Variants in CSMD3 observed in about 807,000 individuals in gnomAD.
The protein encoded by CSMD3 is CUB and sushi domain-containing protein 3.
In CSMD3, 177 loss-of-function variants were observed where a neutral mutation model predicts 435.2. The ratio of observed to expected loss-of-function variants is 0.41; its 90% confidence interval spans 0.36 to 0.46. The LOEUF (loss-of-function observed/expected upper bound fraction) is 0.46. Ranked by LOEUF, CSMD3 falls within the 20% of genes least tolerant of loss-of-function variation. The pLI, the probability that CSMD3 is intolerant of heterozygous loss-of-function variation, is 0.34. For synonymous variants in CSMD3, 1,656 were observed against 1,520.5 expected, an observed-to-expected ratio of 1.09 and a Z score of -2.07; for missense variants, 4,265 against 4,504.6, an observed-to-expected ratio of 0.95 and a Z score of 1.52.
intron 12 of CSMD3, among the ~76,000 whole-genome samples, chr8:112,808,891 G>A (rs181230012): frequency 1.3e-5 from 2 of 151,666 alleles, no homozygotes; most frequent in East Asian, 2.0e-4. Flanking sequence ...TCTACAACTC[G>A]CTCGGTTACA....
chr8:113,373,898 G>C (rs1008306073), intron 1 of CSMD3, among the ~76,000 whole-genome samples: 15 of 151,988 alleles, frequency 9.9e-5, no homozygotes, highest in Admixed American at 3.9e-4. Context: ...CTCAATTTCA[G>C]TAAATGTATA....
chr8:112,454,239 A>G (rs1390145838), intron 32 of CSMD3, among the ~76,000 whole-genome samples: 1 of 152,182 alleles, frequency 6.6e-6, no homozygotes, highest in Non-Finnish European at 1.5e-5. Context: ...AGAAACAAAA[A>G]TTGACAAGTA....
At chr8:112,252,705 ATATAC>A (rs1815391330) in intron 63 of CSMD3, among the ~76,000 whole-genome samples, 1 of 136,114 alleles carries the variant, frequency 7.3e-6, no homozygotes, top group Non-Finnish European at 1.6e-5. Flanking sequence ...ATATATATAT[ATATAC>A]ACATTCATAC....
At position 112,859,157 on chromosome 8, in the gene CSMD3, C is replaced by T. The variant is rs972276208; in HGVS notation, c.1743G>A (p.Val581=). ...GGTGTTCTCTTACCTTATTTGTATT[C>T]ACTGCTGTGATGACCCAGACACATT... ...NAQCVWVITA[V]NTNKVIQINF... The change falls in exon 11 of 71, where the codon GTG becomes GTA. Residue 581 remains valine (V), a synonymous_variant. Transcript: ENST00000297405. 2.5e-6 allele frequency: 4 copies of T among 1,610,340 alleles called. No homozygotes were observed. Among genetic ancestry groups the T allele is most frequent in the Non-Finnish European group, 3.4e-6 (4 of 1,177,360 alleles).
chr8:112,920,918 T>TACAC (rs371590869), intron 10 of CSMD3, among the ~76,000 whole-genome samples: 43 of 122,750 alleles, frequency 3.5e-4, no homozygotes, highest in Middle Eastern at 8.1e-3. Flanking sequence ...TATATATATA[T>TACAC]ACACACACAC....
At chr8:113,050,787 A>C (rs1313779424) in intron 5 of CSMD3, among the ~76,000 whole-genome samples, 1 of 152,102 alleles carries the variant, frequency 6.6e-6, no homozygotes, top group East Asian at 1.9e-4. Flanking sequence ...AAGTCACTTT[A>C]AATATAAATA....
At chr8:112,613,637 T>C (rs1288176755) in intron 22 of CSMD3, among the ~76,000 whole-genome samples, 1 of 152,158 alleles carries the variant, frequency 6.6e-6, no homozygotes, top group African/African-American at 2.4e-5. Context: ...AGAAATACTA[T>C]GGAGTGATTG....
chr8:113,289,587 AG>A (rs1444890128), intron 2 of CSMD3, among the ~76,000 whole-genome samples: 33 of 150,318 alleles, frequency 2.2e-4, no homozygotes, highest in African/African-American at 7.8e-4. Context: ...AGAGAGAGAG[AG>A]AAATACATCT....
chr8:113,075,888 T>TGGC (rs540348099), intron 5 of CSMD3, among the ~76,000 whole-genome samples: 233 of 151,966 alleles, frequency 1.5e-3, no homozygotes, highest in African/African-American at 5.3e-3. Flanking sequence ...AATATTCTAT[T>TGGC]GGCAACATAA....
At chr8:113,219,796 C>A (rs1421413586) in intron 3 of CSMD3, among the ~76,000 whole-genome samples, 2 of 150,524 alleles carry the variant, frequency 1.3e-5, no homozygotes, top group Non-Finnish European at 3.0e-5. Flanking sequence ...ATACATTTGA[C>A]CACATAATAA....
At chr8:112,650,983 C>G (rs992645193) in intron 18 of CSMD3, among the ~76,000 whole-genome samples, 1 of 152,256 alleles carries the variant, frequency 6.6e-6, no homozygotes, top group Non-Finnish European at 1.5e-5. Context: ...GGACTGGATA[C>G]TTCTGTGTTG....
chr8:113,269,181 C>A (rs1453840979), intron 3 of CSMD3, among the ~76,000 whole-genome samples: 1 of 151,754 alleles, frequency 6.6e-6, no homozygotes, highest in South Asian at 2.1e-4. Context: ...GTGTTCCCAC[C>A]CAAATCACGG....
intron 13 of CSMD3, among the ~76,000 whole-genome samples, chr8:112,787,408 G>C (rs1195803214): frequency 6.6e-6 from 1 of 152,090 alleles, no homozygotes; most frequent in African/African-American, 2.4e-5. Flanking sequence ...ATGGAGAACA[G>C]TATGGAGGTA....
At chr8:112,903,023 G>A (rs1456372643) in intron 10 of CSMD3, among the ~76,000 whole-genome samples, 1 of 150,982 alleles carries the variant, frequency 6.6e-6, no homozygotes, top group Non-Finnish European at 1.5e-5. Flanking sequence ...TGATGAAATG[G>A]TTGAGGCATA....
In CSMD3 at chr8:113,099,124, T is replaced by A. The variant is rs182156445; in HGVS notation, c.710-161A>T. On this transcript the variant is annotated intron_variant, in intron 4 of 70. Coordinates refer to ENST00000297405, the MANE Select transcript of CSMD3 (RefSeq NM_198123.2). ...GAGATTAAATAAAATGAGAATTTTATGAAAAAATGTATCAGCACATATACA... is the reference window on the plus strand; with the variant it reads ...GAGATTAAATAAAATGAGAATTTTAAGAAAAAATGTATCAGCACATATACA... 3.7e-3 allele frequency among the ~76,000 whole-genome samples: 561 copies of A among 152,000 alleles called. 1 individual carries two copies. Among genetic ancestry groups the A allele is most frequent in the Non-Finnish European group, 6.4e-3 (432 of 67,952 alleles).
intron 4 of CSMD3, among the ~76,000 whole-genome samples, chr8:113,114,670 T>C (rs1403939555): frequency 1.3e-5 from 2 of 152,168 alleles, no homozygotes; most frequent in Non-Finnish European, 2.9e-5. Flanking sequence ...CATCCTACTG[T>C]AGACCCCATT....
intron 23 of CSMD3, among the ~76,000 whole-genome samples, chr8:112,577,833 T>C (rs1168576227): frequency 6.6e-6 from 1 of 152,124 alleles, no homozygotes. Flanking sequence ...GTGAATGATA[T>C]GATAAATATA....
chr8:113,124,682 A>T (rs1410278450), intron 4 of CSMD3, among the ~76,000 whole-genome samples: 1 of 152,006 alleles, frequency 6.6e-6, no homozygotes, highest in Non-Finnish European at 1.5e-5. Flanking sequence ...TTATATTAAT[A>T]GTCATCAGTG....
intron 31 of CSMD3, among the ~76,000 whole-genome samples, chr8:112,484,866 C>T (rs907264358): frequency 3.9e-5 from 6 of 152,126 alleles, no homozygotes; most frequent in Admixed American, 2.0e-4. Flanking sequence ...AGTATAAATG[C>T]AAATATTCCA....
Sources: allele counts gnomAD v4.1 joint callset (sites outside exome capture counted in the v4.1 genomes callset), GRCh38; gene constraint gnomAD v4.1.1; transcripts MANE v1.5; gene names NCBI Gene and HGNC (gene_info 2026-07-23, HGNC 2026-07-21).